Variants in SGCZ observed in about 807,000 individuals in gnomAD.
SGCZ encodes the protein zeta-sarcoglycan.
SGCZ carries 40 observed loss-of-function variants against 41.3 expected under a neutral mutation model. The ratio of observed to expected loss-of-function variants is 0.97; its 90% CI spans 0.75 to 1.26. The LOEUF (loss-of-function observed/expected upper bound fraction) is 1.26. SGCZ is among the 50% of genes most tolerant of loss of function. SGCZ has a pLI of 0.00. For missense variants in SGCZ, 552 were observed against 369.8 expected (o/e 1.49, Z -4.04); for synonymous variants, 206 against 137.5 (o/e 1.50, Z -3.49).
intron 1 of SGCZ, among the ~76,000 whole-genome samples, chr8:14,670,491 C>T (rs1808068180): frequency 6.6e-6 from 1 of 152,082 alleles, no homozygotes; most frequent in Non-Finnish European, 1.5e-5. Context: ...GTATTTTCGT[C>T]TGTTATTTAG....
intron 3 of SGCZ, chr8:14,309,391 T>C: frequency 3.1e-6 from 5 of 1,605,690 alleles, no homozygotes; most frequent in Non-Finnish European, 4.3e-6. Context: ...AGAGACGAAG[T>C]GACCTCGATC....
intron 3 of SGCZ, among the ~76,000 whole-genome samples, chr8:14,250,058 T>G (rs150751163): frequency 2.0e-5 from 3 of 152,264 alleles, no homozygotes; most frequent in Non-Finnish European, 2.9e-5. Context: ...AAGACCTGAG[T>G]TGAAGCCTAA....
At chr8:14,623,181 C>A (rs916481368) in intron 1 of SGCZ, among the ~76,000 whole-genome samples, 5 of 152,062 alleles carry the variant, frequency 3.3e-5, no homozygotes, top group Admixed American at 3.3e-4. Context: ...GGCATAATAA[C>A]GAAATAACCA....
chr8:14,098,321 G>T (rs1338905674), intron 7 of SGCZ, among the ~76,000 whole-genome samples: 2 of 152,256 alleles, frequency 1.3e-5, no homozygotes, highest in Admixed American at 1.3e-4. Context: ...TTGTTTTTCT[G>T]ATGTGAAAGC....
At chr8:14,338,659 A>G (rs906330633) in intron 2 of SGCZ, among the ~76,000 whole-genome samples, 46 of 152,228 alleles carry the variant, frequency 3.0e-4, no homozygotes, top group African/African-American at 1.1e-3. Flanking sequence ...GAAACTCATT[A>G]AAATATGCAT....
intron 1 of SGCZ, among the ~76,000 whole-genome samples, chr8:14,885,701 A>C (rs530089608): frequency 6.6e-6 from 1 of 152,108 alleles, no homozygotes; most frequent in East Asian, 1.9e-4. Flanking sequence ...GTAGGACTCA[A>C]GTGATGCATG....
At chr8:14,657,663 G>A (rs1008149028) in intron 1 of SGCZ, among the ~76,000 whole-genome samples, 1 of 151,460 alleles carries the variant, frequency 6.6e-6, no homozygotes, top group Non-Finnish European at 1.5e-5. Flanking sequence ...AACAAAACCA[G>A]AAAGAGAAAG....
chr8:15,118,362 C>G (rs997165359), intron 1 of SGCZ, among the ~76,000 whole-genome samples: 2 of 152,024 alleles, frequency 1.3e-5, no homozygotes, highest in Non-Finnish European at 2.9e-5. Context: ...ACTGGACGGT[C>G]TAAGTTCTCT....
chr8:14,893,419 T>A (rs748942183), intron 1 of SGCZ, among the ~76,000 whole-genome samples: 2 of 152,118 alleles, frequency 1.3e-5, no homozygotes, highest in Non-Finnish European at 2.9e-5. Context: ...GTAATAAATA[T>A]AAGGTGTTTT....
chr8:14,888,043 T>G (rs1042781245), intron 1 of SGCZ, among the ~76,000 whole-genome samples: 2 of 152,120 alleles, frequency 1.3e-5, no homozygotes, highest in African/African-American at 4.8e-5. Context: ...CATTCCACAT[T>G]GTATACATCT....
At chr8:14,496,046 G>C (rs770823205) in intron 2 of SGCZ, among the ~76,000 whole-genome samples, 2 of 152,022 alleles carry the variant, frequency 1.3e-5, no homozygotes, top group African/African-American at 4.8e-5. Flanking sequence ...TGGAAAGATC[G>C]TGTGGTCTCC....
At chr8:14,247,863 G>C (rs1015306888) in intron 3 of SGCZ, among the ~76,000 whole-genome samples, 1 of 152,206 alleles carries the variant, frequency 6.6e-6, no homozygotes. Flanking sequence ...CAAAGAGACT[G>C]CATGTTGACT....
At chr8:14,516,977 A>G (rs1802640287) in intron 2 of SGCZ, among the ~76,000 whole-genome samples, 1 of 152,108 alleles carries the variant, frequency 6.6e-6, no homozygotes, top group South Asian at 2.1e-4. Flanking sequence ...GAACAAGAAA[A>G]TAGATACAAG....
At chr8:15,000,598 G>A (rs369786141) in intron 1 of SGCZ, among the ~76,000 whole-genome samples, 16 of 152,112 alleles carry the variant, frequency 1.1e-4, no homozygotes, top group African/African-American at 3.4e-4. Context: ...CTCCATCTTC[G>A]CTTCTCTTTG....
chr8:14,476,261 C>T (rs980049093), intron 2 of SGCZ, among the ~76,000 whole-genome samples: 1 of 152,052 alleles, frequency 6.6e-6, no homozygotes, highest in African/African-American at 2.4e-5. Flanking sequence ...TGGTGGGTAT[C>T]ATCCAACTCA....
chr8:14,622,823 T>A (rs561210762), intron 1 of SGCZ, among the ~76,000 whole-genome samples: 2 of 152,216 alleles, frequency 1.3e-5, no homozygotes, highest in African/African-American at 4.8e-5. Context: ...CCAGTTATTT[T>A]TGAAATTCAA....
At chr8:14,588,478 C>T (rs1394764204) in intron 1 of SGCZ, among the ~76,000 whole-genome samples, 23 of 151,948 alleles carry the variant, frequency 1.5e-4, no homozygotes, top group Non-Finnish European at 1.2e-4. Context: ...TAAACAATAA[C>T]GATAATTTAG....
At chr8:14,277,160 A>T (rs911831313) in intron 3 of SGCZ, among the ~76,000 whole-genome samples, 1 of 152,186 alleles carries the variant, frequency 6.6e-6, no homozygotes, top group Non-Finnish European at 1.5e-5. Flanking sequence ...ATAGAGTCTA[A>T]ATTTCCCAGA....
intron 2 of SGCZ, among the ~76,000 whole-genome samples, chr8:14,381,076 T>C (rs893422864): frequency 3.3e-5 from 5 of 151,806 alleles, no homozygotes; most frequent in Non-Finnish European, 5.9e-5. Context: ...GACTTGATCA[T>C]AATTAGCAAA....
Sources: allele counts gnomAD v4.1 joint callset (sites outside exome capture counted in the v4.1 genomes callset), GRCh38; gene constraint gnomAD v4.1.1; transcripts MANE v1.5; gene names NCBI Gene and HGNC (gene_info 2026-07-23, HGNC 2026-07-21).